The following KSR2 variants were observed in gnomAD, a reference collection of about 807,000 sequenced individuals.
KSR2 encodes the protein kinase suppressor of ras 2.
KSR2 carries 25 observed loss-of-function variants against 107.8 expected under a neutral mutation model. That is an observed-to-expected ratio of 0.23 (90% CI 0.17 to 0.32). The LOEUF (loss-of-function observed/expected upper bound fraction) is 0.32, where lower values mean the gene tolerates loss of function less well. Among genes scored for constraint, KSR2 ranks in the 10% least tolerant of loss-of-function variants. KSR2 has a pLI of 1.00. For missense variants in KSR2, 887 were observed against 1,268.9 expected, an observed-to-expected ratio of 0.70 and a Z score of 4.57; for synonymous variants, 480 against 507.0, an observed-to-expected ratio of 0.95 and a Z score of 0.71.
At chr12:117,855,658 G>C in intron 2 of KSR2, 80 bp from the exon 3 acceptor site, 1 of 1,428,370 alleles carries the variant, frequency 7.0e-7, no homozygotes. Context: ...GTGGTGCCTA[G>C]AGGAGAACAC....
At chr12:117,802,089 T>A (rs1014454043) in intron 3 of KSR2, among the ~76,000 whole-genome samples, 2 of 152,062 alleles carry the variant, frequency 1.3e-5, no homozygotes, top group African/African-American at 2.4e-5. Context: ...TCAAAATAGG[T>A]CTTACTAGGC....
At chr12:117,744,364 C>A (rs11068670) in intron 4 of KSR2, among the ~76,000 whole-genome samples, 1 of 152,090 alleles carries the variant, frequency 6.6e-6, no homozygotes, top group African/African-American at 2.4e-5. Context: ...ATAATCTTCC[C>A]ATGCGTCCAT....
At chr12:117,620,489 G>C (rs1882134374) in intron 5 of KSR2, among the ~76,000 whole-genome samples, 1 of 152,170 alleles carries the variant, frequency 6.6e-6, no homozygotes, top group South Asian at 2.1e-4. Context: ...ATGGCTGACA[G>C]AAGAAAAACA....
At chr12:117,482,503 ATG>A (rs1013080177) in intron 16 of KSR2, among the ~76,000 whole-genome samples, 6 of 151,836 alleles carry the variant, frequency 4.0e-5, no homozygotes, top group Non-Finnish European at 7.4e-5. Flanking sequence ...TTGTTGGGAG[ATG>A]TTGCTGAAGG....
intron 7 of KSR2, 126 bp downstream of exon 7, chr12:117,578,993 G>GA: frequency 1.4e-6 from 1 of 733,658 alleles, no homozygotes; most frequent in Non-Finnish European, 2.4e-6. Flanking sequence ...ATCTATTTCT[G>GA]AAAAACAAAG....
chr12:117,462,791 G>A lies in KSR2; in HGVS notation c.*4408C>T, dbSNP rs1329852203. The A allele has an allele frequency of 3.3e-5, 5 of 152,224 alleles. No individual in the cohort carries two copies. The highest frequency in any genetic ancestry group is 1.2e-4 in the African/African-American group (5 of 41,432). The allele number at this position is 152,224 out of a possible 1,614,324, so 9.4% of individuals were successfully genotyped here. ...TGAGGATAGGGAGGGCATATTTCGG[G>A]ACTCAAGATTGAGAACCAGTGTGGG... On this transcript the variant is annotated 3_prime_UTR_variant, in exon 20 of 20. Coordinates refer to ENST00000339824, the MANE Select transcript of KSR2 (RefSeq NM_173598.6).
intron 5 of KSR2, among the ~76,000 whole-genome samples, chr12:117,615,923 C>T (rs1455082526): frequency 6.6e-6 from 1 of 152,140 alleles, no homozygotes; most frequent in Non-Finnish European, 1.5e-5. Flanking sequence ...GAGGCTGAGA[C>T]AGGTGGGTCA....
At chr12:117,711,472 G>A (rs916992078) in intron 4 of KSR2, among the ~76,000 whole-genome samples, 2 of 152,216 alleles carry the variant, frequency 1.3e-5, no homozygotes, top group African/African-American at 4.8e-5. Context: ...ACAGTTGGAG[G>A]GAAGCACGTG....
intron 14 of KSR2, among the ~76,000 whole-genome samples, chr12:117,510,039 G>T (rs1427124942): frequency 6.6e-6 from 1 of 152,124 alleles, no homozygotes; most frequent in Non-Finnish European, 1.5e-5. Context: ...GCTGACTGTG[G>T]GTCCCCTCAG....
At chr12:117,491,257 GC>G (rs1872728593) in intron 14 of KSR2, among the ~76,000 whole-genome samples, 1 of 152,170 alleles carries the variant, frequency 6.6e-6, no homozygotes, top group Non-Finnish European at 1.5e-5. Context: ...TCAGCTCACT[GC>G]AACCTCTGCC....
chr12:117,617,427 C>T (rs1881949134), intron 5 of KSR2, among the ~76,000 whole-genome samples: 1 of 152,112 alleles, frequency 6.6e-6, no homozygotes, highest in African/African-American at 2.4e-5. Context: ...TAGATCTCTG[C>T]TGTAATTCTC....
rs34139652 is a variant in KSR2, at chr12:117,454,879, GA to G, written c.*12319del. On this transcript the variant is annotated 3_prime_UTR_variant, in exon 20 of 20. Transcript: ENST00000339824. ...AGTGAAGCAAAAGAGGAACAGGAAT[GA>G]AAAATGCATTAGAGAGAAGGGCTCA... 69,536 of 151,668 alleles carry G rather than the reference GA, an allele frequency of 0.46. 16,653 individuals are homozygous for G. The highest frequency in any genetic ancestry group is 0.59 in the African/African-American group (24,340 of 41,284). The allele number at this position is 151,668 out of a possible 1,614,324, so 9.4% of individuals were successfully genotyped here.
At chr12:117,752,346 T>C (rs1191788742) in intron 4 of KSR2, among the ~76,000 whole-genome samples, 6 of 152,212 alleles carry the variant, frequency 3.9e-5, no homozygotes, top group Admixed American at 2.0e-4. Flanking sequence ...GTTCTAGATG[T>C]GCTTTGGGGA....
At chr12:117,481,514 G>A (rs889072548) in intron 16 of KSR2, among the ~76,000 whole-genome samples, 3 of 152,332 alleles carry the variant, frequency 2.0e-5, no homozygotes, top group Admixed American at 2.0e-4. Flanking sequence ...GCTGGGAAGA[G>A]AGCCCTCACT....
intron 3 of KSR2, among the ~76,000 whole-genome samples, chr12:117,817,161 G>A (rs1891401383): frequency 6.6e-6 from 1 of 152,144 alleles, no homozygotes; most frequent in South Asian, 2.1e-4. Context: ...TCATGAAAAA[G>A]TTTCAATAAG....
intron 5 of KSR2, among the ~76,000 whole-genome samples, chr12:117,623,241 AATT>A (rs1190710169): frequency 6.6e-6 from 1 of 151,966 alleles, no homozygotes; most frequent in Non-Finnish European, 1.5e-5. Context: ...GGTTTTTTTT[AATT>A]ATTATACTTT....
chr12:117,708,535 G>A lies in KSR2; in HGVS notation c.987-40877C>T, dbSNP rs553786963. Among the ~76,000 whole-genome samples the A allele has an allele frequency of 4.6e-5, 7 of 152,270 alleles. No homozygotes were observed. The South Asian group carries it at 1.2e-3, about 27-fold the overall frequency. On this transcript the variant is annotated intron_variant, in intron 4 of 19. Coordinates refer to ENST00000339824, the MANE Select transcript of KSR2 (RefSeq NM_173598.6). ...TACCTAGTGTAGTGGATACTGTAATGTGCCACCCAGGACCCCCTGGAAGAA... is the reference window on the plus strand; with the variant it reads ...TACCTAGTGTAGTGGATACTGTAATATGCCACCCAGGACCCCCTGGAAGAA...
Position 117,525,166 on chromosome 12 carries a change from C to T in KSR2, c.1905G>A (p.Met635Ile), listed in dbSNP as rs770369161. The T allele has an allele frequency of 6.2e-7, 1 of 1,613,840 alleles. No individual in the cohort carries two copies. The highest frequency in any genetic ancestry group is 1.1e-5 in the South Asian group (1 of 91,070). ...AEESEDDFEEMNLSLLSARSF... is the reference protein window; with the variant it reads ...AEESEDDFEEINLSLLSARSF... ...TCCGGGCCGAGAGGAGGGACAGGTT[C>T]ATCTCCTCGAAGTCATCCTCTGACT... Residue 635 changes from methionine (M) to isoleucine (I), a missense_variant, in exon 14 of 20, where the codon ATG (methionine) becomes ATA (isoleucine). Around this residue, in one of 8 missense-constraint regions of KSR2, gnomAD observed 308 missense variants for 506.2 expected, o/e 0.61. Coordinates refer to ENST00000339824, the MANE Select transcript of KSR2 (RefSeq NM_173598.6).
intron 1 of KSR2, among the ~76,000 whole-genome samples, chr12:117,913,378 C>T (rs1196154953): frequency 2.0e-5 from 3 of 152,104 alleles, no homozygotes; most frequent in African/African-American, 7.2e-5. Context: ...CATATCTAAC[C>T]TCTCCCCCTG....
Sources: allele counts gnomAD v4.1 joint callset (sites outside exome capture counted in the v4.1 genomes callset), GRCh38; gene constraint gnomAD v4.1.1; regional missense constraint gnomAD v4.1.1; transcripts MANE v1.5; gene names NCBI Gene and HGNC (gene_info 2026-07-23, HGNC 2026-07-21).